The following SPAG16 variants were observed in gnomAD, a reference collection of about 807,000 sequenced individuals.
The protein encoded by SPAG16 is sperm associated antigen 16, also known as sperm-associated antigen 16 protein.
In SPAG16, 86 loss-of-function variants were observed where a neutral mutation model predicts 80.4. That is an observed-to-expected ratio of 1.07 (90% CI 0.90 to 1.28). The LOEUF (loss-of-function observed/expected upper bound fraction) is 1.28, where lower values mean the gene tolerates loss of function less well. SPAG16 is among the 50% of genes most tolerant of loss of function. The pLI is 0.00. For missense variants in SPAG16, 870 were observed against 765.3 expected (o/e 1.14, Z -1.61); for synonymous variants, 294 against 265.9 (o/e 1.11, Z -1.03).
At chr2:213,940,253 T>C (rs575022553) in intron 12 of SPAG16, among the ~76,000 whole-genome samples, 52 of 152,288 alleles carry the variant, frequency 3.4e-4, no homozygotes, top group African/African-American at 1.2e-3. Flanking sequence ...GACATATAAT[T>C]TATTTCATTG....
chr2:213,589,923 A>C (rs1205600936), intron 10 of SPAG16, among the ~76,000 whole-genome samples: 3 of 34,838 alleles, frequency 8.6e-5, no homozygotes, highest in Non-Finnish European at 3.5e-4. Context: ...CTCCATCTCA[A>C]AAAAAAAAAA....
intron 8 of SPAG16, 73 bp from the exon 9 acceptor site, chr2:213,374,937 C>T (rs2066810915): frequency 2.7e-6 from 3 of 1,108,920 alleles, no homozygotes; most frequent in Admixed American, 2.9e-5. Context: ...TTTTGGTTTT[C>T]ATATTTTTGG....
Position 213,504,514 on chromosome 2 carries a change from G to T in SPAG16, c.1070+14424G>T, listed in dbSNP as rs371693980. ...TTTAGTTTAAAAATAAAGACAACTA[G>T]GGATTTCTTTATATGCCTAGTAAAC... is the stretch of plus-strand genomic sequence containing the variant. On this transcript the variant is annotated intron_variant, in intron 10 of 15. Transcript: ENST00000331683. Among the ~76,000 whole-genome samples, 8 of 152,076 alleles carry T rather than the reference G, an allele frequency of 5.3e-5. No homozygotes were observed. The East Asian group carries it at 1.5e-3, about 29-fold the overall frequency.
At chr2:213,506,098 C>G (rs1047993076) in intron 10 of SPAG16, among the ~76,000 whole-genome samples, 4 of 151,754 alleles carry the variant, frequency 2.6e-5, no homozygotes, top group African/African-American at 9.7e-5. Context: ...GTTAAGTTAC[C>G]TTCTAGAATT....
intron 15 of SPAG16, among the ~76,000 whole-genome samples, chr2:214,234,274 T>C (rs1037397714): frequency 6.6e-6 from 1 of 151,974 alleles, no homozygotes; most frequent in Non-Finnish European, 1.5e-5. Flanking sequence ...ACATTTTCTT[T>C]ATCAAATCTA....
chr2:214,074,643 C>T (rs1273789761), intron 13 of SPAG16, among the ~76,000 whole-genome samples: 4 of 151,338 alleles, frequency 2.6e-5, no homozygotes, highest in Non-Finnish European at 5.9e-5. Context: ...GAGAAAATAC[C>T]TGAAAAAAAG....
intron 5 of SPAG16, among the ~76,000 whole-genome samples, chr2:213,321,399 A>G (rs910514617): frequency 6.6e-6 from 1 of 152,038 alleles, no homozygotes; most frequent in Non-Finnish European, 1.5e-5. Context: ...ATTATTTTGC[A>G]TAGTGTTATT....
At chr2:213,579,141 G>T (rs533877012) in intron 10 of SPAG16, among the ~76,000 whole-genome samples, 3 of 151,978 alleles carry the variant, frequency 2.0e-5, no homozygotes, top group African/African-American at 7.2e-5. Flanking sequence ...TATCCCTGTA[G>T]ATCATTTTCA....
At chr2:213,407,353 G>A (rs750231055) in intron 9 of SPAG16, among the ~76,000 whole-genome samples, 11 of 151,538 alleles carry the variant, frequency 7.3e-5, no homozygotes, top group Non-Finnish European at 1.3e-4. Context: ...AAGGCAAGAC[G>A]CCCCCTGGTT....
intron 10 of SPAG16, among the ~76,000 whole-genome samples, chr2:213,676,180 CTCTG>C (rs1402632032): frequency 5.3e-5 from 8 of 151,502 alleles, no homozygotes; most frequent in East Asian, 1.9e-4. Context: ...TGATTTGGCT[CTCTG>C]TCTGTTATTG....
chr2:213,817,727 C>A (rs938473479), intron 10 of SPAG16, among the ~76,000 whole-genome samples: 1 of 151,986 alleles, frequency 6.6e-6, no homozygotes, highest in African/African-American at 2.4e-5. Context: ...AACAGAAAAC[C>A]AAATACCACA....
chr2:214,258,482 T>C (rs1690877279), intron 15 of SPAG16, among the ~76,000 whole-genome samples: 1 of 148,998 alleles, frequency 6.7e-6, no homozygotes, highest in African/African-American at 2.5e-5. Flanking sequence ...TATATATATA[T>C]ATATATATAC....
At chr2:214,190,268 A>C (rs1407101958) in intron 15 of SPAG16, among the ~76,000 whole-genome samples, 1 of 152,096 alleles carries the variant, frequency 6.6e-6, no homozygotes, top group Non-Finnish European at 1.5e-5. Flanking sequence ...AGGGAATATG[A>C]GTGGGACCTT....
intron 15 of SPAG16, among the ~76,000 whole-genome samples, chr2:214,219,929 T>C (rs1559136901): frequency 6.6e-6 from 1 of 152,132 alleles, no homozygotes; most frequent in Non-Finnish European, 1.5e-5. Context: ...TTACTACACA[T>C]GAAAAAAGAT....
At chr2:214,248,284 CTTATA>C (rs997378357) in intron 15 of SPAG16, among the ~76,000 whole-genome samples, 1 of 134,106 alleles carries the variant, frequency 7.5e-6, no homozygotes, top group Admixed American at 8.3e-5. Context: ...GGGTACTATT[CTTATA>C]TTATTATTAT....
chr2:214,031,941 C>T (rs930506579), intron 13 of SPAG16, among the ~76,000 whole-genome samples: 3 of 152,180 alleles, frequency 2.0e-5, no homozygotes, highest in African/African-American at 7.2e-5. Context: ...CCACCAGGCC[C>T]CTCCTCCAAC....
intron 10 of SPAG16, among the ~76,000 whole-genome samples, chr2:213,508,675 C>G (rs570491836): frequency 6.6e-6 from 1 of 152,048 alleles, no homozygotes; most frequent in Non-Finnish European, 1.5e-5. Flanking sequence ...GGACAAAAAA[C>G]CGAACACCAC....
intron 9 of SPAG16, among the ~76,000 whole-genome samples, chr2:213,450,283 G>A (rs771835383): frequency 1.3e-5 from 2 of 152,158 alleles, no homozygotes; most frequent in African/African-American, 2.4e-5. Flanking sequence ...CAGCCTGGGC[G>A]ACAGAGCCAG....
intron 15 of SPAG16, among the ~76,000 whole-genome samples, chr2:214,332,420 G>A (rs1696985466): frequency 6.6e-6 from 1 of 152,184 alleles, no homozygotes; most frequent in Admixed American, 6.5e-5. Flanking sequence ...GGTGGCTGAT[G>A]GAAGATACTG....
Sources: gnomAD v4.1 joint callset for allele counts (sites outside exome capture counted in the v4.1 genomes callset) on GRCh38, gnomAD v4.1.1 for gene constraint, MANE v1.5 for transcripts, NCBI Gene and HGNC (gene_info 2026-07-23, HGNC 2026-07-21) for gene names.